The following KIAA1755 variants were observed in gnomAD, a reference collection of about 807,000 sequenced individuals.
KIAA1755 encodes the protein uncharacterized protein KIAA1755.
A neutral mutation model predicts 91.7 loss-of-function variants in KIAA1755; 68 were observed. That is an observed-to-expected ratio of 0.74 (90% CI 0.61 to 0.91). The LOEUF (loss-of-function observed/expected upper bound fraction) is 0.91. Ranked by LOEUF, KIAA1755 falls within the 40% of genes least tolerant of loss-of-function variation. The probability of loss-of-function intolerance (pLI) is 0.00; values close to 1 mark genes in which losing one functional copy is unlikely to be tolerated. For missense variants in KIAA1755, 1,535 were observed against 1,494.4 expected (o/e 1.03, Z -0.45); for synonymous variants, 610 against 604.6 (o/e 1.01, Z -0.13).
chr20:38,232,279 C>A (rs1282249215), intron 4 of KIAA1755, among the ~76,000 whole-genome samples: 1 of 152,134 alleles, frequency 6.6e-6, no homozygotes, highest in Non-Finnish European at 1.5e-5. Flanking sequence ...GGTCCAACCA[C>A]CTGGAACATT....
In KIAA1755 at chr20:38,239,696, G is replaced by A. The variant is rs1349595493; in HGVS notation, c.1579C>T (p.Pro527Ser). The change falls in exon 4 of 14, where the codon CCA becomes TCA. Residue 527 changes from proline to serine, a missense_variant. By Grantham distance (74) the Pro-to-Ser change is moderately conservative (BLOSUM62 -1). Coordinates refer to ENST00000279024, the MANE Select transcript of KIAA1755 (RefSeq NM_001029864.2). ...AGTTQTKTSG[P>S]ATAPSPLTEE... is the part of the protein sequence containing the mutation. Reference sequence around the variant, plus strand: ...GTCAGTGGGCTGGGGGCAGTGGCTGGGCCAGATGTTTTGGTCTGAGTTGTT... The same window carrying A: ...GTCAGTGGGCTGGGGGCAGTGGCTGAGCCAGATGTTTTGGTCTGAGTTGTT... 6.2e-7 allele frequency: 1 copy of A among 1,612,470 alleles called. No individual in the cohort carries two copies. The highest frequency in any genetic ancestry group is 1.3e-5 in the African/African-American group (1 of 74,854).
At chr20:38,226,425 T>C (rs774382461) in intron 7 of KIAA1755, among the ~76,000 whole-genome samples, 3 of 152,148 alleles carry the variant, frequency 2.0e-5, no homozygotes, top group Non-Finnish European at 4.4e-5. Context: ...CTAGGACATG[T>C]TGGAAATTCA....
Position 38,217,340 on chromosome 20 carries a change from C to A in KIAA1755, c.2814G>T (p.Gln938His). The A allele has an allele frequency of 6.2e-7, 1 of 1,612,752 alleles. No homozygotes were observed. The highest frequency in any genetic ancestry group is 2.2e-5 in the East Asian group (1 of 44,846). ...AAFASTQRAF[Q>H]AELTHFYMAA... Reference sequence around the variant, plus strand: ...CCATGTAAAAGTGGGTCAGCTCAGCCTGGAAGGCCCGCTGGGTAGAGGCAA... The same window carrying A: ...CCATGTAAAAGTGGGTCAGCTCAGCATGGAAGGCCCGCTGGGTAGAGGCAA... The change falls in exon 13 of 14, where the codon CAG becomes CAT. Residue 938 changes from glutamine to histidine, a missense_variant. By Grantham distance (24) the Gln-to-His change is conservative (BLOSUM62 0). Transcript: ENST00000279024.
intron 6 of KIAA1755, among the ~76,000 whole-genome samples, chr20:38,227,601 G>T (rs567447734): frequency 6.6e-6 from 1 of 152,314 alleles, no homozygotes; most frequent in South Asian, 2.1e-4. Flanking sequence ...TCCCTTCTCA[G>T]CTCATGAGCT....
chr20:38,252,359 A>T (rs2076265053), intron 1 of KIAA1755, among the ~76,000 whole-genome samples: 2 of 152,092 alleles, frequency 1.3e-5, no homozygotes, highest in Admixed American at 1.3e-4. Context: ...CCCAATGATA[A>T]CAACAGTCTC....
intron 4 of KIAA1755, among the ~76,000 whole-genome samples, chr20:38,236,442 G>A (rs1228231970): frequency 6.6e-6 from 1 of 152,202 alleles, no homozygotes; most frequent in African/African-American, 2.4e-5. Context: ...GGAAGTGAGT[G>A]TGGATGGAGA....
At chr20:38,237,164 A>G (rs1273330010) in intron 4 of KIAA1755, among the ~76,000 whole-genome samples, 1 of 144,454 alleles carries the variant, frequency 6.9e-6, no homozygotes, top group Non-Finnish European at 1.5e-5. Flanking sequence ...GCTTCTGCTT[A>G]CTCACTCAGA....
Position 38,212,999 on chromosome 20 carries a change from C to T in KIAA1755, c.*43G>A. ...AGCTACCCCTCCAGCTGGGCCCTGG[C>T]CCAGTGCTCCTGGAGGCTGGTGCGA... is the stretch of plus-strand genomic sequence containing the variant. On this transcript the variant is annotated 3_prime_UTR_variant, in exon 14 of 14. Coordinates refer to ENST00000279024, the MANE Select transcript of KIAA1755 (RefSeq NM_001029864.2). 2 of 1,476,078 alleles carry T rather than the reference C, an allele frequency of 1.4e-6. No homozygotes were observed. The highest frequency in any genetic ancestry group is 9.1e-7 in the Non-Finnish European group (1 of 1,099,926). 91.4% of individuals were successfully genotyped at this position (1,476,078 alleles called of 1,614,324 possible). A position where few individuals can be genotyped will look rare whatever the true frequency, so the allele number is the denominator to read the frequency against.
At position 38,241,617 on chromosome 20, in the gene KIAA1755, C is replaced by A. The variant is rs1384892855; in HGVS notation, c.514G>T (p.Gly172Trp). ...LHNCLVASENGIAPVPWTKIT... is the reference protein window; with the variant it reads ...LHNCLVASENWIAPVPWTKIT... ...TTGGTCCAAGGCACAGGGGCAATCC[C>A]ATTTTCTGATGCTACCAAGCAGTTG... Residue 172 changes from glycine (G) to tryptophan (W), a missense_variant, in exon 3 of 14, where the codon GGG becomes TGG. Physicochemically the swap from Gly to Trp is radical, Grantham distance 184. Transcript: ENST00000279024. The A allele has an allele frequency of 6.2e-7, 1 of 1,614,260 alleles. No homozygotes were observed. Among genetic ancestry groups the A allele is most frequent in the Admixed American group, 1.7e-5 (1 of 60,024 alleles).
chr20:38,253,367 A>C (rs540715035), intron 1 of KIAA1755, among the ~76,000 whole-genome samples: 2 of 152,228 alleles, frequency 1.3e-5, no homozygotes, highest in African/African-American at 2.4e-5. Flanking sequence ...ATGAGCTGCT[A>C]TTATTATAAT....
chr20:38,213,639 C>T lies in KIAA1755; in HGVS notation c.3006G>A (p.Leu1002=). 6.2e-7 allele frequency: 1 copy of T among 1,610,402 alleles called. No individual in the cohort carries two copies. The highest frequency in any genetic ancestry group is 8.5e-7 in the Non-Finnish European group (1 of 1,178,330). ...CAGGGAACTCAGATGCCAGTCGCTG[C>T]AGGTAGCGGTGGAGGCGGCGCTGGT... The part of the protein sequence containing the change: ...PGDQRRLHRY[L]QRLASEFPAE... Residue 1002 remains leucine, a synonymous_variant, in exon 14 of 14, where the codon CTG becomes CTA. Transcript: ENST00000279024.
chr20:38,223,501 T>C, intron 9 of KIAA1755, 37 bp downstream of exon 9: 1 of 1,454,812 alleles, frequency 6.9e-7, no homozygotes, highest in African/African-American at 1.5e-5. Flanking sequence ...GTCTGGGGTG[T>C]GATGTAGCTT....
Position 38,212,934 on chromosome 20 carries a change from G to C in KIAA1755, c.*108C>G. ...AGCAGAGGCAGAATGTAAAACCAGT[G>C]CTCCATGGTGACGTCTCACTGGGAC... On this transcript the variant is annotated 3_prime_UTR_variant, in exon 14 of 14. Transcript: ENST00000279024. 1.2e-6 allele frequency: 1 copy of C among 808,200 alleles called. No individual in the cohort carries two copies. 50.1% of individuals were successfully genotyped at this position (808,200 alleles called of 1,614,324 possible). A position where few individuals can be genotyped will look rare whatever the true frequency, so the allele number is the denominator to read the frequency against.
In KIAA1755 at chr20:38,213,377, A is replaced by T. The variant is rs767788524; in HGVS notation, c.3268T>A (p.Trp1090Arg). The T allele has an allele frequency of 9.4e-6, 15 of 1,603,002 alleles. No homozygotes were observed. Among genetic ancestry groups the T allele is most frequent in the Non-Finnish European group, 1.3e-5 (15 of 1,174,524 alleles). ...AGTGAGTCTAGTGGAGGCTGATCCC[A>T]CCTCCCCTTGGAAGTGACCTCTACA... is the stretch of plus-strand genomic sequence containing the variant. ...VSVEVTSKGRWDQPPLDSLGM... is the reference protein window; with the variant it reads ...VSVEVTSKGRRDQPPLDSLGM... The change falls in exon 14 of 14, where the codon TGG (tryptophan) becomes AGG (arginine). Residue 1090 changes from tryptophan to arginine, a missense_variant. Coordinates refer to ENST00000279024, the MANE Select transcript of KIAA1755 (RefSeq NM_001029864.2).
rs558912901 is a variant in KIAA1755, at chr20:38,247,488, T to C, written c.4-1362A>G. Among the ~76,000 whole-genome samples, 3 of 152,332 alleles carry C rather than the reference T, an allele frequency of 2.0e-5. No individual in the cohort carries two copies. The East Asian group carries it at 5.8e-4, about 29-fold the overall frequency. On this transcript the variant is annotated intron_variant, in intron 1 of 13. Coordinates refer to ENST00000279024, the MANE Select transcript of KIAA1755 (RefSeq NM_001029864.2). ...CTGTCAACTCCTCCAGGAGATTTTC[T>C]TGGGTGCCCCCAACTACCCCAGGGA... is the stretch of plus-strand genomic sequence containing the variant.
At chr20:38,250,512 C>CTGTGTGTGTGTGTGTGTGTGTG in intron 1 of KIAA1755, among the ~76,000 whole-genome samples, 1 of 138,928 alleles carries the variant, frequency 7.2e-6, no homozygotes, top group African/African-American at 2.7e-5. Context: ...GTGTGTGTGT[C>CTGTGTGTGTGTGTGTGTGTGTG]TGTGTGTGTG....
At chr20:38,234,051 G>C (rs1264860201) in intron 4 of KIAA1755, among the ~76,000 whole-genome samples, 1 of 152,146 alleles carries the variant, frequency 6.6e-6, no homozygotes, top group Non-Finnish European at 1.5e-5. Context: ...GCCAAGGAGA[G>C]AGGCCACAGA....
intron 4 of KIAA1755, among the ~76,000 whole-genome samples, chr20:38,237,206 T>C (rs896695662): frequency 8.6e-5 from 13 of 151,360 alleles, no homozygotes; most frequent in Non-Finnish European, 1.6e-4. Context: ...GAGATTTAAG[T>C]TGGGGAAGGT....
chr20:38,260,216 C>G, intron 1 of KIAA1755: 1 of 1,469,970 alleles, frequency 6.8e-7, no homozygotes, highest in Non-Finnish European at 9.0e-7. Context: ...GGCTGAGATT[C>G]AGGCTCAGGT....
Sources: gnomAD v4.1 joint callset for allele counts (sites outside exome capture counted in the v4.1 genomes callset) on GRCh38, gnomAD v4.1.1 for gene constraint, MANE v1.5 for transcripts, NCBI Gene and HGNC (gene_info 2026-07-23, HGNC 2026-07-21) for gene names.